ANKRD44: variants seen among roughly 807,000 people sequenced by gnomAD.
The protein encoded by ANKRD44 is ankyrin repeat domain 44.
Under a neutral mutation model 116.0 loss-of-function variants are expected in ANKRD44, and 35 were observed. The observed-to-expected ratio is 0.30, with a 90% confidence interval of 0.23 to 0.40. The LOEUF is 0.40. Among genes scored for constraint, ANKRD44 ranks in the 10% least tolerant of loss-of-function variants. The pLI, the probability that ANKRD44 is intolerant of heterozygous loss-of-function variation, is 1.00. For synonymous variants in ANKRD44, 435 were observed against 461.8 expected, an observed-to-expected ratio of 0.94 and a Z score of 0.74; for missense variants, 1,014 against 1,242.6, an observed-to-expected ratio of 0.82 and a Z score of 2.77.
intron 16 of ANKRD44, among the ~76,000 whole-genome samples, chr2:197,025,717 G>C (rs2076578789): frequency 6.6e-6 from 1 of 152,242 alleles, no homozygotes; most frequent in Non-Finnish European, 1.5e-5. Flanking sequence ...ATGTGATATG[G>C]AGTGACTGAC....
At chr2:197,217,883 A>C (rs1255949889) in intron 1 of ANKRD44, among the ~76,000 whole-genome samples, 1 of 152,210 alleles carries the variant, frequency 6.6e-6, no homozygotes. Flanking sequence ...AGTTTCCAAA[A>C]ACATTGGAGC....
intron 1 of ANKRD44, among the ~76,000 whole-genome samples, chr2:197,289,539 A>G (rs1164556607): frequency 6.6e-6 from 1 of 152,262 alleles, no homozygotes; most frequent in Non-Finnish European, 1.5e-5. Context: ...CTATTTAGCA[A>G]TAAGAAAGAT....
At chr2:197,232,207 C>G (rs2081880696) in intron 1 of ANKRD44, among the ~76,000 whole-genome samples, 1 of 152,176 alleles carries the variant, frequency 6.6e-6, no homozygotes, top group Admixed American at 6.5e-5. Context: ...GATCACAAAA[C>G]TTCACGCAGA....
chr2:197,146,528 A>G (rs1287624174), intron 3 of ANKRD44, among the ~76,000 whole-genome samples: 1 of 152,136 alleles, frequency 6.6e-6, no homozygotes, highest in Non-Finnish European at 1.5e-5. Flanking sequence ...TATAGTGTAT[A>G]CATGCTATAC....
chr2:197,119,314 G>A (rs2078798458), intron 8 of ANKRD44, among the ~76,000 whole-genome samples: 1 of 151,954 alleles, frequency 6.6e-6, no homozygotes, highest in African/African-American at 2.4e-5. Flanking sequence ...GCCTGGAGAG[G>A]CCCAAGCTCC....
intron 16 of ANKRD44, among the ~76,000 whole-genome samples, chr2:197,077,052 T>G (rs2077685674): frequency 6.6e-6 from 1 of 152,192 alleles, no homozygotes; most frequent in Admixed American, 6.5e-5. Context: ...GAATGATAGT[T>G]TTGCTTTTAG....
Position 197,079,566 on chromosome 2 carries a change from A to G in ANKRD44, c.1539-752T>C, listed in dbSNP as rs7580402. 7.4e-3 allele frequency among the ~76,000 whole-genome samples: 1,122 copies of G among 152,358 alleles called. 13 individuals carry two copies. Among genetic ancestry groups the G allele is most frequent in the African/African-American group, 0.024 (1,016 of 41,580 alleles). ...GTTCACAAGTACCCAGGAATGTAAT[A>G]AGTTCTGCTCAGGGCCTACTGCAAA... On this transcript the variant is annotated intron_variant, in intron 15 of 27. Transcript: ENST00000282272.
intron 16 of ANKRD44, among the ~76,000 whole-genome samples, chr2:197,069,065 T>C (rs1410109630): frequency 2.0e-5 from 3 of 152,164 alleles, no homozygotes; most frequent in Non-Finnish European, 4.4e-5. Flanking sequence ...CCATCAATGA[T>C]AGACTGGATT....
intron 1 of ANKRD44, among the ~76,000 whole-genome samples, chr2:197,216,615 G>T (rs1430682243): frequency 6.6e-6 from 1 of 152,106 alleles, no homozygotes; most frequent in African/African-American, 2.4e-5. Flanking sequence ...GAGAGCAAGG[G>T]TGGCCCGTTT....
intron 16 of ANKRD44, chr2:197,077,675 A>G (rs1003322625): frequency 2.0e-5 from 3 of 152,238 alleles, no homozygotes; most frequent in Admixed American, 1.3e-4. Context: ...GAGAACTTTC[A>G]TCCTGTGTTA....
At chr2:197,207,365 C>T (rs2081231310) in intron 1 of ANKRD44, among the ~76,000 whole-genome samples, 1 of 152,178 alleles carries the variant, frequency 6.6e-6, no homozygotes, top group Non-Finnish European at 1.5e-5. Context: ...TTTAGTCTAT[C>T]CCAGTGTAAT....
chr2:196,993,518 A>C, intron 27 of ANKRD44, 65 bp downstream of exon 27: 1 of 1,333,372 alleles, frequency 7.5e-7, no homozygotes, highest in South Asian at 1.3e-5. Context: ...TATCTTTCTC[A>C]TTTCCTCTGG....
At chr2:197,281,533 T>C (rs2083264162) in intron 1 of ANKRD44, among the ~76,000 whole-genome samples, 1 of 152,160 alleles carries the variant, frequency 6.6e-6, no homozygotes, top group African/African-American at 2.4e-5. Flanking sequence ...CTGAGTAATT[T>C]ACATCATATC....
chr2:197,113,223 T>C (rs1458500033), intron 8 of ANKRD44, among the ~76,000 whole-genome samples: 2 of 152,234 alleles, frequency 1.3e-5, no homozygotes, highest in African/African-American at 4.8e-5. Context: ...CTAAAAGTTA[T>C]CTGATTCCAG....
intron 16 of ANKRD44, among the ~76,000 whole-genome samples, chr2:197,039,042 C>G (rs914015760): frequency 2.0e-5 from 3 of 152,146 alleles, no homozygotes; most frequent in African/African-American, 7.2e-5. Flanking sequence ...TTCCCAAATT[C>G]AATTTTTCCC....
At chr2:196,973,638 T>C (rs1385212197) in intron 21 of ANKRD44, among the ~76,000 whole-genome samples, 1 of 152,228 alleles carries the variant, frequency 6.6e-6, no homozygotes, top group Non-Finnish European at 1.5e-5. Flanking sequence ...AACAGTTTCC[T>C]TATTGCCTAT....
At chr2:197,191,056 GA>G (rs2080810486) in intron 1 of ANKRD44, among the ~76,000 whole-genome samples, 1 of 152,174 alleles carries the variant, frequency 6.6e-6, no homozygotes, top group Non-Finnish European at 1.5e-5. Context: ...ATCCCCTAAA[GA>G]AATTTAAATT....
intron 16 of ANKRD44, among the ~76,000 whole-genome samples, chr2:197,070,378 G>A (rs1222212439): frequency 6.6e-6 from 1 of 152,116 alleles, no homozygotes; most frequent in African/African-American, 2.4e-5. Flanking sequence ...TTATCAAGTT[G>A]AGGAAGTTCC....
intron 1 of ANKRD44, among the ~76,000 whole-genome samples, chr2:197,211,413 G>A (rs1170798002): frequency 6.6e-6 from 1 of 152,142 alleles, no homozygotes; most frequent in African/African-American, 2.4e-5. Context: ...CTTAGCCAAG[G>A]AGCCAGGATC....
Sources: allele counts gnomAD v4.1 joint callset (sites outside exome capture counted in the v4.1 genomes callset), GRCh38; gene constraint gnomAD v4.1.1; transcripts MANE v1.5; gene names NCBI Gene and HGNC (gene_info 2026-07-23, HGNC 2026-07-21).